Variants in TNRC6A observed in about 807,000 individuals in gnomAD.
The protein encoded by TNRC6A is trinucleotide repeat containing adaptor 6A.
A neutral mutation model predicts 221.2 loss-of-function variants in TNRC6A; 44 were observed. The observed-to-expected ratio is 0.20, with a 90% confidence interval of 0.16 to 0.26. The LOEUF is 0.26. Ranked by LOEUF, TNRC6A falls within the 10% of genes least tolerant of loss-of-function variation. The pLI is 1.00. For synonymous variants in TNRC6A, 847 were observed against 838.5 expected (o/e 1.01, Z -0.18); for missense variants, 2,199 against 2,404.4 (o/e 0.91, Z 1.79).
intron 2 of TNRC6A, among the ~76,000 whole-genome samples, chr16:24,644,058 GTTTGT>G (rs978328265): frequency 8.2e-6 from 1 of 121,630 alleles, no homozygotes; most frequent in African/African-American, 3.2e-5. Flanking sequence ...GCTGGGTTTT[GTTTGT>G]TTTGTTTCTT....
chr16:24,685,732 C>A (rs562053169), intron 2 of TNRC6A, among the ~76,000 whole-genome samples: 1 of 152,126 alleles, frequency 6.6e-6, no homozygotes, highest in Non-Finnish European at 1.5e-5. Flanking sequence ...TGCCCTTGGG[C>A]GAGTCACTCC....
chr16:24,683,665 C>G (rs1439330971), intron 2 of TNRC6A, among the ~76,000 whole-genome samples: 1 of 152,192 alleles, frequency 6.6e-6, no homozygotes, highest in Non-Finnish European at 1.5e-5. Flanking sequence ...AGTTCAAGTC[C>G]TGTTTCTGCC....
intron 10 of TNRC6A, 71 bp downstream of exon 10, chr16:24,797,641 T>C: frequency 2.3e-6 from 3 of 1,300,390 alleles, no homozygotes; most frequent in Non-Finnish European, 3.2e-6. Flanking sequence ...TTTCACTCTT[T>C]TTAAGAATTA....
At chr16:24,717,833 G>A (rs1288610129) in intron 2 of TNRC6A, among the ~76,000 whole-genome samples, 1 of 137,710 alleles carries the variant, frequency 7.3e-6, no homozygotes, top group Non-Finnish European at 1.5e-5. Flanking sequence ...GTGCAATGGT[G>A]CCACCTCGGC....
At chr16:24,716,162 C>G (rs1363528395) in intron 2 of TNRC6A, among the ~76,000 whole-genome samples, 1 of 152,008 alleles carries the variant, frequency 6.6e-6, no homozygotes, top group South Asian at 2.1e-4. Flanking sequence ...GGAAACTCTC[C>G]TCAAGCAGTA....
At chr16:24,804,438 C>A in intron 12 of TNRC6A, 119 bp downstream of exon 12, 1 of 1,249,154 alleles carries the variant, frequency 8.0e-7, no homozygotes, top group Non-Finnish European at 1.1e-6. Context: ...ACTACCAAAT[C>A]TTATTACTGG....
chr16:24,690,567 T>C (rs2055735539), intron 2 of TNRC6A, among the ~76,000 whole-genome samples: 1 of 152,088 alleles, frequency 6.6e-6, no homozygotes, highest in Non-Finnish European at 1.5e-5. Flanking sequence ...TTACTTCATC[T>C]CCATTTCATA....
chr16:24,806,905 C>A, intron 17 of TNRC6A, 121 bp downstream of exon 17: 1 of 947,080 alleles, frequency 1.1e-6, no homozygotes, highest in Non-Finnish European at 1.6e-6. Flanking sequence ...TTAGCTGTTC[C>A]CTCTCAGAGA....
intron 2 of TNRC6A, among the ~76,000 whole-genome samples, chr16:24,715,544 A>T (rs1482077472): frequency 1.3e-5 from 2 of 151,390 alleles, no homozygotes; most frequent in African/African-American, 4.9e-5. Flanking sequence ...GCTCTCTGTG[A>T]GTCCCAGATA....
At chr16:24,615,266 G>A (rs1461771473) in intron 1 of TNRC6A, among the ~76,000 whole-genome samples, 1 of 152,158 alleles carries the variant, frequency 6.6e-6, no homozygotes, top group African/African-American at 2.4e-5. Flanking sequence ...AAGACTAGGA[G>A]AGGAGAAGAG....
intron 23 of TNRC6A, 93 bp downstream of exon 23, chr16:24,822,240 G>C (rs914618564): frequency 9.5e-6 from 12 of 1,269,362 alleles, no homozygotes; most frequent in Admixed American, 1.8e-5. Context: ...GCTGCTAGGT[G>C]GTAGTGAAGC....
At chr16:24,728,862 G>A (rs1292113538), upstream of TNRC6A, among the ~76,000 whole-genome samples, 1 of 152,064 alleles carries the variant, frequency 6.6e-6, no homozygotes, top group East Asian at 1.9e-4. Flanking sequence ...GTTGGAACCT[G>A]CTTTTTCATT....
chr16:24,805,410 C>A, intron 14 of TNRC6A, 195 bp from the exon 15 acceptor site: 1 of 883,770 alleles, frequency 1.1e-6, no homozygotes, highest in Non-Finnish European at 1.7e-6. Context: ...GTTTAAGATG[C>A]ACCTCTGTCA....
At chr16:24,811,089 G>A (rs2058533913) in intron 18 of TNRC6A, among the ~76,000 whole-genome samples, 1 of 152,180 alleles carries the variant, frequency 6.6e-6, no homozygotes, top group African/African-American at 2.4e-5. Flanking sequence ...TGGCCTAGGT[G>A]TAAGGCATGC....
At chr16:24,697,275 C>T (rs1313449106) in intron 2 of TNRC6A, among the ~76,000 whole-genome samples, 1 of 152,176 alleles carries the variant, frequency 6.6e-6, no homozygotes, top group Non-Finnish European at 1.5e-5. Flanking sequence ...GTCTGGGTAT[C>T]TTTTGATATC....
At chr16:24,614,640 T>C (rs1419814677) in intron 1 of TNRC6A, among the ~76,000 whole-genome samples, 1 of 152,200 alleles carries the variant, frequency 6.6e-6, no homozygotes, top group Non-Finnish European at 1.5e-5. Flanking sequence ...TTTGAGATTG[T>C]TCCCCGTAAT....
chr16:24,751,314 G>A (rs1015020347), intron 3 of TNRC6A, among the ~76,000 whole-genome samples: 1 of 152,220 alleles, frequency 6.6e-6, no homozygotes, highest in Non-Finnish European at 1.5e-5. Flanking sequence ...ATAATAGGAA[G>A]TAAAGTGTCA....
At chr16:24,701,072 G>T (rs963199536) in intron 2 of TNRC6A, among the ~76,000 whole-genome samples, 3 of 152,246 alleles carry the variant, frequency 2.0e-5, no homozygotes, top group African/African-American at 7.2e-5. Context: ...TTCAGTTCTG[G>T]GAGGAAGGGT....
chr16:24,819,029 A>G (rs898204043), intron 21 of TNRC6A, among the ~76,000 whole-genome samples: 10 of 151,976 alleles, frequency 6.6e-5, no homozygotes, highest in Non-Finnish European at 1.2e-4. Flanking sequence ...ATCCTCATAG[A>G]CTGATACTTT....
Sources: gnomAD v4.1 joint callset for allele counts (sites outside exome capture counted in the v4.1 genomes callset) on GRCh38, gnomAD v4.1.1 for gene constraint, MANE v1.5 for transcripts, NCBI Gene and HGNC (gene_info 2026-07-23, HGNC 2026-07-21) for gene names.